The following TRIM71 variants were observed in gnomAD, a reference collection of about 807,000 sequenced individuals.
TRIM71 encodes tripartite motif containing 71, also known as E3 ubiquitin-protein ligase TRIM71.
Under a neutral mutation model 61.2 loss-of-function variants are expected in TRIM71, and 9 were observed. The ratio of observed to expected loss-of-function variants is 0.15; its 90% CI spans 0.09 to 0.26. The LOEUF is 0.26. Ranked by LOEUF, TRIM71 falls within the 10% of genes least tolerant of loss-of-function variation. The probability of loss-of-function intolerance (pLI) is 1.00; values close to 1 mark genes in which losing one functional copy is unlikely to be tolerated. For missense variants in TRIM71, 998 were observed against 1,238.7 expected (o/e 0.81, Z 2.92); for synonymous variants, 645 against 553.2 (o/e 1.17, Z -2.33).
intron 1 of TRIM71, 74 bp from the exon 2 acceptor site, chr3:32,873,744 C>T (rs1696822531): frequency 2.2e-6 from 3 of 1,362,410 alleles, no homozygotes; most frequent in South Asian, 2.0e-5. Context: ...AGAGCCAGGG[C>T]CCTCCAGTTG....
Position 32,818,402 on chromosome 3 carries a change from G to T in TRIM71, c.322G>T (p.Ala108Ser). 6.8e-7 allele frequency: 1 copy of T among 1,478,334 alleles called. No individual in the cohort carries two copies. Among genetic ancestry groups the T allele is most frequent in the Non-Finnish European group, 8.9e-7 (1 of 1,118,944 alleles). 91.6% of individuals were successfully genotyped at this position (1,478,334 alleles called of 1,614,324 possible). The part of the protein sequence containing the change: ...VVLAEAAGMD[A>S]LPSSAFLLSN... Reference sequence around the variant, plus strand: ...GCTAGCCGAGGCGGCGGGTATGGACGCGCTGCCTTCGTCCGCCTTCCTGCT... The same window carrying T: ...GCTAGCCGAGGCGGCGGGTATGGACTCGCTGCCTTCGTCCGCCTTCCTGCT... Residue 108 changes from alanine to serine, a missense_variant, in exon 1 of 4, where the codon GCG becomes TCG. Transcript: ENST00000383763.
chr3:32,875,630 A>G (rs935105369), intron 2 of TRIM71, among the ~76,000 whole-genome samples: 7 of 152,118 alleles, frequency 4.6e-5, no homozygotes, highest in African/African-American at 1.7e-4. Context: ...ACTTGAGCTC[A>G]AGAGTTTGAG....
At chr3:32,823,708 G>GAGCCGAGGGTGCAGTGAGCCGAGGGTA (rs1559536179) in intron 1 of TRIM71, among the ~76,000 whole-genome samples, 2 of 151,686 alleles carry the variant, frequency 1.3e-5, no homozygotes, top group African/African-American at 2.4e-5. Context: ...AGCCGAGGGT[G>GAGCCGAGGGTGCAGTGAGCCGAGGGTA]CAGTGAGCCG....
chr3:32,841,598 A>G (rs1403310976), intron 1 of TRIM71, among the ~76,000 whole-genome samples: 1 of 152,160 alleles, frequency 6.6e-6, no homozygotes, highest in Non-Finnish European at 1.5e-5. Flanking sequence ...AGCGTGGGCC[A>G]CGAGTGAGGC....
intron 1 of TRIM71, among the ~76,000 whole-genome samples, chr3:32,871,185 G>A (rs1422910902): frequency 1.3e-5 from 2 of 152,144 alleles, no homozygotes; most frequent in African/African-American, 4.8e-5. Context: ...TTTCACAGAT[G>A]AGACTGAAGC....
At chr3:32,877,170 C>G (rs1295632443) in intron 2 of TRIM71, among the ~76,000 whole-genome samples, 1 of 152,164 alleles carries the variant, frequency 6.6e-6, no homozygotes, top group Non-Finnish European at 1.5e-5. Context: ...ATGGTGCAAT[C>G]TTGGCTTACT....
chr3:32,872,461 T>C (rs551558104), intron 1 of TRIM71, among the ~76,000 whole-genome samples: 1 of 152,258 alleles, frequency 6.6e-6, no homozygotes, highest in South Asian at 2.1e-4. Context: ...GAAGCAGCAG[T>C]CTCCCTCTGT....
chr3:32,865,092 G>A (rs1340642333), intron 1 of TRIM71, among the ~76,000 whole-genome samples: 1 of 152,152 alleles, frequency 6.6e-6, no homozygotes, highest in Non-Finnish European at 1.5e-5. Context: ...CACTTTGGGA[G>A]GCCGAGGCAG....
chr3:32,881,205 G>A (rs1411609627), intron 2 of TRIM71, among the ~76,000 whole-genome samples: 1 of 152,084 alleles, frequency 6.6e-6, no homozygotes, highest in Non-Finnish European at 1.5e-5. Flanking sequence ...CTTCAGTAGA[G>A]ACGGGGTTTC....
At chr3:32,879,082 TGTTTTCTTA>T (rs202062913) in intron 2 of TRIM71, among the ~76,000 whole-genome samples, 3,625 of 152,292 alleles carry the variant, frequency 0.024, 164 homozygotes, top group African/African-American at 0.082. Context: ...GGAGATAACT[TGTTTTCTTA>T]AACCGTATCA....
intron 1 of TRIM71, among the ~76,000 whole-genome samples, chr3:32,819,400 G>T (rs1374260155): frequency 6.6e-6 from 1 of 152,152 alleles, no homozygotes; most frequent in African/African-American, 2.4e-5. Flanking sequence ...CGGAAGAGAT[G>T]GTTGTGTGGG....
At chr3:32,887,334 C>T (rs531023276) in intron 3 of TRIM71, among the ~76,000 whole-genome samples, 14 of 152,062 alleles carry the variant, frequency 9.2e-5, no homozygotes, top group Non-Finnish European at 1.9e-4. Context: ...AAGAGTCCAT[C>T]CCTTCTTCAT....
chr3:32,845,494 G>A (rs1042528674), intron 1 of TRIM71, among the ~76,000 whole-genome samples: 1 of 152,160 alleles, frequency 6.6e-6, no homozygotes, highest in Non-Finnish European at 1.5e-5. Context: ...TCCCTCTAGC[G>A]GGTTTGCAAG....
At chr3:32,871,996 T>C (rs1696800945) in intron 1 of TRIM71, among the ~76,000 whole-genome samples, 2 of 152,066 alleles carry the variant, frequency 1.3e-5, no homozygotes, top group Non-Finnish European at 2.9e-5. Context: ...ATAAAAAAAT[T>C]AGTTGGGCGT....
chr3:32,824,874 A>G lies in TRIM71; in HGVS notation c.852+5942A>G, dbSNP rs560183215. ...CAGTGGCGCGATCTTGGCTCACTGC[A>G]ACCTCCGCCTCCCTGGTTCAAGCAA... is the stretch of plus-strand genomic sequence containing the variant. On this transcript the variant is annotated intron_variant, in intron 1 of 3. Coordinates refer to ENST00000383763, the MANE Select transcript of TRIM71 (RefSeq NM_001039111.3). Among the ~76,000 whole-genome samples, 4 of 152,062 alleles carry G rather than the reference A, an allele frequency of 2.6e-5. No homozygotes were observed. In the East Asian group the frequency reaches 7.7e-4, roughly 29 times the overall value.
chr3:32,852,677 G>C (rs1408471489), intron 1 of TRIM71, among the ~76,000 whole-genome samples: 2 of 151,840 alleles, frequency 1.3e-5, no homozygotes, highest in Non-Finnish European at 2.9e-5. Flanking sequence ...GTGGTTGATG[G>C]CACACAGGTA....
chr3:32,830,956 G>A (rs1022801345), intron 1 of TRIM71, among the ~76,000 whole-genome samples: 30 of 152,198 alleles, frequency 2.0e-4, no homozygotes, highest in African/African-American at 6.5e-4. Flanking sequence ...GATTACAGGC[G>A]CCCGCCACCA....
intron 3 of TRIM71, among the ~76,000 whole-genome samples, chr3:32,886,379 GA>G (rs1325572860): frequency 7.2e-5 from 11 of 152,232 alleles, no homozygotes; most frequent in African/African-American, 1.9e-4. Context: ...CTGTTGTTAA[GA>G]AAGGCAGGCT....
At position 32,890,540 on chromosome 3, in the gene TRIM71, A is replaced by T; in HGVS notation, c.1336A>T (p.Thr446Ser). The change falls in exon 4 of 4, where the codon ACC becomes TCC. Residue 446 changes from threonine (T) to serine (S), a missense_variant. By Grantham distance (58) the Thr-to-Ser change is moderately conservative. Around this residue, in one of 5 missense-constraint regions of TRIM71, gnomAD observed 291 missense variants for 431.2 expected, o/e 0.67. Transcript: ENST00000383763. This position sits in a 1 kb window ranked among gnomAD's most constrained non-coding sequence, Gnocchi z 6.2. ...GCTGGCCCAGGTGCAGGAGCTGAAG[A>T]CCGTGCGGAGCCTCCTGCAGCCCCA... ...RMLAQVQELK[T>S]VRSLLQPQED... The T allele has an allele frequency of 1.2e-6, 2 of 1,613,946 alleles. No individual in the cohort carries two copies. The highest frequency in any genetic ancestry group is 1.7e-6 in the Non-Finnish European group (2 of 1,180,014).
Sources: gnomAD v4.1 joint callset for allele counts (sites outside exome capture counted in the v4.1 genomes callset) on GRCh38, gnomAD v4.1.1 for gene constraint, gnomAD v4.1.1 regional missense constraint, Gnocchi (gnomAD v3.1) non-coding constraint, MANE v1.5 for transcripts, NCBI Gene and HGNC (gene_info 2026-07-23, HGNC 2026-07-21) for gene names.